Variants in MACROD2 observed in about 807,000 individuals in gnomAD.
MACROD2 encodes mono-ADP ribosylhydrolase 2.
In MACROD2, 36 loss-of-function variants were observed where a neutral mutation model predicts 70.4. The ratio of observed to expected loss-of-function variants is 0.51; its 90% CI spans 0.39 to 0.68. The LOEUF is 0.68. Ranked by LOEUF, MACROD2 falls within the 30% of genes least tolerant of loss-of-function variation. The pLI is 0.00. For synonymous variants in MACROD2, 172 were observed against 178.8 expected (o/e 0.96, Z 0.30); for missense variants, 496 against 538.4 (o/e 0.92, Z 0.78).
intron 4 of MACROD2, among the ~76,000 whole-genome samples, chr20:14,499,752 CTCCT>C (rs1245144777): frequency 9.2e-5 from 14 of 152,126 alleles, no homozygotes; most frequent in Non-Finnish European, 1.6e-4. Flanking sequence ...TCCTCCCTCC[CTCCT>C]GCCTCCCTTC....
At position 14,521,990 on chromosome 20, in the gene MACROD2, C is replaced by T. The variant is rs2085173355; in HGVS notation, c.301+28482C>T. 2.0e-5 allele frequency among the ~76,000 whole-genome samples: 3 copies of T among 152,156 alleles called. 1 individual carries two copies. The South Asian group carries it at 6.2e-4, about 32-fold the overall frequency. ...CACCAATGCAGACAGGTTAGGTTTT[C>T]AGTCTGTGCTTGGTGCATCTCTAGG... On this transcript the variant is annotated intron_variant, in intron 4 of 17. Coordinates refer to ENST00000684519, the MANE Select transcript of MACROD2 (RefSeq NM_001351661.2).
intron 5 of MACROD2, among the ~76,000 whole-genome samples, chr20:15,125,164 CTA>C (rs752379772): frequency 2.0e-5 from 3 of 151,692 alleles, no homozygotes; most frequent in Non-Finnish European, 4.4e-5. Context: ...AATGTAATCC[CTA>C]TATATATATT....
At chr20:14,462,342 T>G (rs1483971600) in intron 3 of MACROD2, among the ~76,000 whole-genome samples, 4 of 152,062 alleles carry the variant, frequency 2.6e-5, no homozygotes, top group African/African-American at 7.3e-5. Context: ...CTTTTGAGAA[T>G]TGTCTGTTCA....
chr20:15,383,293 G>T (rs761624963), intron 6 of MACROD2, among the ~76,000 whole-genome samples: 1 of 152,320 alleles, frequency 6.6e-6, no homozygotes, highest in African/African-American at 2.4e-5. Context: ...CCCTATCAGA[G>T]TTTGCCAGAG....
intron 5 of MACROD2, among the ~76,000 whole-genome samples, chr20:14,848,849 A>G (rs1299092900): frequency 1.3e-5 from 2 of 152,088 alleles, no homozygotes; most frequent in Non-Finnish European, 2.9e-5. Flanking sequence ...GAGTTTGTGT[A>G]CCTGAGGTTG....
At chr20:14,606,771 A>G (rs1437500379) in intron 4 of MACROD2, among the ~76,000 whole-genome samples, 2 of 152,136 alleles carry the variant, frequency 1.3e-5, no homozygotes, top group Admixed American at 6.5e-5. Context: ...AGCACCAGAT[A>G]TCCTTTCTTG....
At chr20:15,157,212 C>G (rs2076312707) in intron 5 of MACROD2, among the ~76,000 whole-genome samples, 1 of 152,110 alleles carries the variant, frequency 6.6e-6, no homozygotes, top group Non-Finnish European at 1.5e-5. Context: ...TGAGGAACGG[C>G]TCTCTGGAAT....
At chr20:15,439,136 A>G (rs1272421539) in intron 7 of MACROD2, among the ~76,000 whole-genome samples, 1 of 152,160 alleles carries the variant, frequency 6.6e-6, no homozygotes, top group East Asian at 1.9e-4. Flanking sequence ...ATTACAGCCC[A>G]TGGAACAATG....
In MACROD2 at chr20:15,846,911, T is replaced by TTATATATATATATATATA. The variant is rs33993940; in HGVS notation, c.646-15810_646-15793dup. 5.6e-4 allele frequency among the ~76,000 whole-genome samples: 78 copies of TTATATATATATATATATA among 138,106 alleles called. 1 individual carries two copies. Among genetic ancestry groups the TTATATATATATATATATA allele is most frequent in the East Asian group, 1.2e-3 (5 of 4,100 alleles). 90.6% of individuals were successfully genotyped at this position (138,106 alleles called of 152,430 possible). ...GACCTTGACATAGTCAAAAAAAAAA[T>TTATATATATATATATATA]TATATATATATATATATATATATAT... is the stretch of plus-strand genomic sequence containing the variant. On this transcript the variant is annotated intron_variant, in intron 8 of 17. Transcript: ENST00000684519.
chr20:16,032,142 G>A (rs1027505823), intron 15 of MACROD2, among the ~76,000 whole-genome samples: 5 of 151,952 alleles, frequency 3.3e-5, no homozygotes, highest in African/African-American at 7.3e-5. Context: ...AGAAATAAAC[G>A]CATGCTATTT....
At position 15,604,186 on chromosome 20, in the gene MACROD2, C is replaced by A. The variant is rs556078438; in HGVS notation, c.645+104339C>A. 5.2e-4 allele frequency among the ~76,000 whole-genome samples: 79 copies of A among 152,220 alleles called. 1 individual carries two copies. The highest frequency in any genetic ancestry group is 1.2e-3 in the South Asian group (6 of 4,812). Reference sequence around the variant, plus strand: ...GTATAGAAAGGGGAAATGGCCCAAACCAGAGAGTTGCACAGAGTTTTGGCA... The same window carrying A: ...GTATAGAAAGGGGAAATGGCCCAAAACAGAGAGTTGCACAGAGTTTTGGCA... On this transcript the variant is annotated intron_variant, in intron 8 of 17. Coordinates refer to ENST00000684519, the MANE Select transcript of MACROD2 (RefSeq NM_001351661.2).
At chr20:14,502,236 G>A (rs566893713) in intron 4 of MACROD2, among the ~76,000 whole-genome samples, 1 of 152,292 alleles carries the variant, frequency 6.6e-6, no homozygotes, top group African/African-American at 2.4e-5. Context: ...ACAAGGTGGG[G>A]CAATTTCTTA....
chr20:15,256,167 A>C (rs2077197770), intron 6 of MACROD2, among the ~76,000 whole-genome samples: 1 of 152,084 alleles, frequency 6.6e-6, no homozygotes, highest in Non-Finnish European at 1.5e-5. Context: ...TTAAACAATT[A>C]CACAAAGTAA....
intron 5 of MACROD2, among the ~76,000 whole-genome samples, chr20:14,722,237 T>G (rs1969337845): frequency 6.6e-6 from 1 of 152,292 alleles, no homozygotes; most frequent in South Asian, 2.1e-4. Flanking sequence ...TGGCGCAGTG[T>G]CCACTTTGGC....
At chr20:14,159,963 G>T (rs544674688) in intron 3 of MACROD2, among the ~76,000 whole-genome samples, 1 of 152,198 alleles carries the variant, frequency 6.6e-6, no homozygotes, top group South Asian at 2.1e-4. Flanking sequence ...TGCGTTTTCT[G>T]CATGTGTTGA....
At chr20:16,042,729 G>A (rs1272331315) in intron 16 of MACROD2, among the ~76,000 whole-genome samples, 4 of 152,060 alleles carry the variant, frequency 2.6e-5, no homozygotes, top group Admixed American at 2.0e-4. Flanking sequence ...ATGGACGGTG[G>A]ATGAATGCTT....
chr20:14,324,559 C>A (rs1225454113), intron 3 of MACROD2: 1 of 152,150 alleles, frequency 6.6e-6, no homozygotes, highest in Non-Finnish European at 1.5e-5. Context: ...TAAAGAACTA[C>A]TTTCTCTGGA....
chr20:14,443,617 C>CA (rs919734502), intron 3 of MACROD2, among the ~76,000 whole-genome samples: 4 of 151,950 alleles, frequency 2.6e-5, no homozygotes, highest in African/African-American at 9.7e-5. Flanking sequence ...TATTATATGC[C>CA]AAAATGGAAA....
chr20:15,461,348 C>T (rs1048635979), intron 7 of MACROD2, among the ~76,000 whole-genome samples: 1 of 152,048 alleles, frequency 6.6e-6, no homozygotes, highest in African/African-American at 2.4e-5. Context: ...ATAAATTCTC[C>T]CTACGGTATG....
Sources: allele counts gnomAD v4.1 joint callset (sites outside exome capture counted in the v4.1 genomes callset), GRCh38; gene constraint gnomAD v4.1.1; transcripts MANE v1.5; gene names NCBI Gene and HGNC (gene_info 2026-07-23, HGNC 2026-07-21).